PITPNM2: variants seen among roughly 807,000 people sequenced by gnomAD.
The protein encoded by PITPNM2 is phosphatidylinositol transfer protein membrane associated 2, also known as membrane-associated phosphatidylinositol transfer protein 2.
Under a neutral mutation model 132.2 loss-of-function variants are expected in PITPNM2, and 35 were observed. The observed-to-expected ratio is 0.26, with a 90% CI of 0.20 to 0.35. The LOEUF (loss-of-function observed/expected upper bound fraction) is 0.35, where lower values mean the gene tolerates loss of function less well. Among genes scored for constraint, PITPNM2 ranks in the 10% least tolerant of loss-of-function variants. The pLI is 1.00. For missense variants in PITPNM2, 1,332 were observed against 1,912.0 expected, an observed-to-expected ratio of 0.70 and a Z score of 5.66; for synonymous variants, 738 against 799.2, an observed-to-expected ratio of 0.92 and a Z score of 1.29.
chr12:123,049,379 C>T (rs909555951), intron 2 of PITPNM2, among the ~76,000 whole-genome samples: 1 of 152,192 alleles, frequency 6.6e-6, no homozygotes, highest in African/African-American at 2.4e-5. Flanking sequence ...CTTCCAGCTT[C>T]CAGGTCTGTG....
In PITPNM2 at chr12:123,013,900, C is replaced by T. The variant is rs758147346; in HGVS notation, c.221G>A (p.Arg74His). ...HVGMHIPSWFRSILPKAALRV... is the reference protein window; with the variant it reads ...HVGMHIPSWFHSILPKAALRV... The stretch of plus-strand genomic sequence containing the variant: ...CAGGGCTGCCTTGGGCAGGATGGAG[C>T]GGAACCAGCTGGGAATGTGCATGCC... Residue 74 changes from arginine to histidine, a missense_variant, in exon 4 of 26, where the codon CGC (arginine) becomes CAC (histidine). By Grantham distance (29) the Arg-to-His change is conservative. Transcript: ENST00000320201. 1.9e-6 allele frequency: 3 copies of T among 1,614,152 alleles called. No individual in the cohort carries two copies. The highest frequency in any genetic ancestry group is 1.1e-5 in the South Asian group (1 of 91,092).
chr12:123,111,442 C>T lies in PITPNM2; in HGVS notation c.-199-954G>A, dbSNP rs777224374. Among the ~76,000 whole-genome samples the T allele has an allele frequency of 1.3e-5, 2 of 152,230 alleles. No homozygotes were observed. The highest frequency in any genetic ancestry group is 2.9e-5 in the Non-Finnish European group (2 of 68,032). ...GGTCTCCTCAGACACCAGTCCATGC[C>T]CGCTAGGGGCAAGCACAGCCCTAAC... On this transcript the variant is annotated intron_variant, in intron 1 of 25. Coordinates refer to ENST00000320201, the MANE Select transcript of PITPNM2 (RefSeq NM_020845.3). This position sits in a 1 kb window ranked among gnomAD's most constrained non-coding sequence, Gnocchi z 4.1.
At position 122,992,022 on chromosome 12, in the gene PITPNM2, A is replaced by G; in HGVS notation, c.2404+477T>C. 1 of 935,588 alleles carries G rather than the reference A, an allele frequency of 1.1e-6. No homozygotes were observed. Among genetic ancestry groups the G allele is most frequent in the Non-Finnish European group, 1.4e-6 (1 of 711,678 alleles). 58.0% of individuals were successfully genotyped at this position (935,588 alleles called of 1,614,324 possible). A position where few individuals can be genotyped will look rare whatever the true frequency, so the allele number is the denominator to read the frequency against. On this transcript the variant is annotated intron_variant, in intron 16 of 25. Coordinates refer to ENST00000320201, the MANE Select transcript of PITPNM2 (RefSeq NM_020845.3). The surrounding 1 kb of genome is among the most constrained non-coding windows in gnomAD (Gnocchi z 6.5). ...AGGACGTGACAAGACGCTGGGACAC[A>G]CGCTGGGGCAGGGGTCGGGCCAAGC...
At chr12:123,057,417 A>G (rs998055190) in intron 2 of PITPNM2, among the ~76,000 whole-genome samples, 28 of 152,020 alleles carry the variant, frequency 1.8e-4, no homozygotes, top group African/African-American at 6.5e-4. Context: ...TCAAAAACAA[A>G]CAAAAAGAAC....
chr12:123,053,148 G>T (rs1033445474), intron 2 of PITPNM2, among the ~76,000 whole-genome samples: 3 of 152,090 alleles, frequency 2.0e-5, no homozygotes, highest in Non-Finnish European at 1.5e-5. Context: ...GCCTCCCAAA[G>T]TGCTGGGATT....
chr12:123,048,568 G>A (rs943893262), intron 2 of PITPNM2, among the ~76,000 whole-genome samples: 24 of 151,886 alleles, frequency 1.6e-4, no homozygotes, highest in Non-Finnish European at 3.1e-4. Flanking sequence ...GCCCGCCACC[G>A]CGCCCGGCTA....
At position 123,031,720 on chromosome 12, in the gene PITPNM2, C is replaced by A. The variant is rs1162439838; in HGVS notation, c.78+2793G>T. ...AGCAGGAACACCAACAGCCTTGCCC[C>A]CAATCTCCCCTCCAAGCATGCTAGT... is the stretch of plus-strand genomic sequence containing the variant. On this transcript the variant is annotated intron_variant, in intron 3 of 25. Coordinates refer to ENST00000320201, the MANE Select transcript of PITPNM2 (RefSeq NM_020845.3). This position sits in a 1 kb window ranked among gnomAD's most constrained non-coding sequence, Gnocchi z 4.5. Among the ~76,000 whole-genome samples the A allele has an allele frequency of 2.6e-5, 4 of 152,208 alleles. No individual in the cohort carries two copies. The highest frequency in any genetic ancestry group is 2.0e-4 in the Admixed American group (3 of 15,284).
chr12:123,139,627 C>G (rs541592107), intron 1 of PITPNM2, among the ~76,000 whole-genome samples: 2 of 152,204 alleles, frequency 1.3e-5, no homozygotes, highest in Non-Finnish European at 2.9e-5. Context: ...CTCCCACACA[C>G]CACATCTGCT....
chr12:122,987,278 C>T lies in PITPNM2; in HGVS notation c.3413+3G>A, dbSNP rs762333621. On this transcript the variant is annotated splice_donor_region_variant and intron_variant, in intron 23 of 25. Transcript: ENST00000320201. ...CCCCTTTGTGCCCCTCTGGGCCACTCACCGCACCACGTCCACGGCCCCGGC... is the reference window on the plus strand; with the variant it reads ...CCCCTTTGTGCCCCTCTGGGCCACTTACCGCACCACGTCCACGGCCCCGGC... The T allele has an allele frequency of 1.2e-6, 2 of 1,611,378 alleles. No individual in the cohort carries two copies. The highest frequency in any genetic ancestry group is 3.3e-5 in the Admixed American group (2 of 60,018).
intron 2 of PITPNM2, among the ~76,000 whole-genome samples, chr12:123,044,751 A>G (rs2040598017): frequency 6.6e-6 from 1 of 152,010 alleles, no homozygotes; most frequent in African/African-American, 2.4e-5. Context: ...CTGATTTTAT[A>G]CCTTCTCTCC....
At chr12:123,037,972 C>A (rs146416160) in intron 2 of PITPNM2, among the ~76,000 whole-genome samples, 1 of 152,088 alleles carries the variant, frequency 6.6e-6, no homozygotes, top group East Asian at 1.9e-4. Flanking sequence ...GATATTTTTG[C>A]GTGCAGGCAG....
In PITPNM2 at chr12:123,104,494, G is replaced by A. The variant is rs558669201; in HGVS notation, c.-96+5891C>T. On this transcript the variant is annotated intron_variant, in intron 2 of 25. Coordinates refer to ENST00000320201, the MANE Select transcript of PITPNM2 (RefSeq NM_020845.3). Reference sequence around the variant, plus strand: ...TAACTGATGACATTCCACCACAAAAGAAGTGAAAATGGCCGGTCCTTGCCT... The same window carrying A: ...TAACTGATGACATTCCACCACAAAAAAAGTGAAAATGGCCGGTCCTTGCCT... Among the ~76,000 whole-genome samples, 18 of 152,302 alleles carry A rather than the reference G, an allele frequency of 1.2e-4. No individual in the cohort carries two copies. The South Asian group carries it at 2.9e-3, about 25-fold the overall frequency.
chr12:123,057,530 G>A (rs960998478), intron 2 of PITPNM2, among the ~76,000 whole-genome samples: 1 of 152,160 alleles, frequency 6.6e-6, no homozygotes, highest in African/African-American at 2.4e-5. Flanking sequence ...ACAAAGTGCC[G>A]TAGACAAGAC....
intron 2 of PITPNM2, among the ~76,000 whole-genome samples, chr12:123,094,396 C>G (rs1324421111): frequency 6.6e-6 from 1 of 152,240 alleles, no homozygotes; most frequent in East Asian, 1.9e-4. Context: ...CATGTCTTCA[C>G]CCAGCAGGCT....
At chr12:123,001,224 G>GTAC (rs1329413201) in intron 8 of PITPNM2, 66 bp from the exon 9 acceptor site, 1 of 1,289,164 alleles carries the variant, frequency 7.8e-7, no homozygotes, top group African/African-American at 1.5e-5. Context: ...TTCCCGAGGT[G>GTAC]GGGACGCCCC....
chr12:122,986,201 G>C lies in PITPNM2; in HGVS notation c.3876C>G (p.His1292Gln). 6.4e-7 allele frequency: 1 copy of C among 1,557,838 alleles called. No homozygotes were observed. The highest frequency in any genetic ancestry group is 8.7e-7 in the Non-Finnish European group (1 of 1,156,036). Reference protein sequence around the residue: ...GQGDFLRSRNHLLRTISAQPS... With the variant: ...GQGDFLRSRNQLLRTISAQPS... Reference sequence around the variant, plus strand: ...GCTGGGCCGAGATGGTGCGAAGCAGGTGGTTCCGGGAGCGCAGAAAGTCGC... The same window carrying C: ...GCTGGGCCGAGATGGTGCGAAGCAGCTGGTTCCGGGAGCGCAGAAAGTCGC... The change falls in exon 26 of 26, where the codon CAC becomes CAG. Residue 1292 changes from histidine (H) to glutamine (Q), a missense_variant. Physicochemically the swap from His to Gln is conservative, Grantham distance 24. Transcript: ENST00000320201.
chr12:123,062,772 G>T (rs553117406), intron 2 of PITPNM2, among the ~76,000 whole-genome samples: 57 of 152,308 alleles, frequency 3.7e-4, no homozygotes, highest in Admixed American at 2.0e-4. Context: ...AAAGTGTCTG[G>T]TTTTCAGTGT....
At chr12:123,087,708 T>A (rs2042153237) in intron 2 of PITPNM2, 1 of 151,880 alleles carries the variant, frequency 6.6e-6, no homozygotes, top group Admixed American at 6.6e-5. Flanking sequence ...AGCCTCAAAC[T>A]CCTGGGCTCA....
intron 2 of PITPNM2, among the ~76,000 whole-genome samples, chr12:123,066,518 G>C (rs1461948464): frequency 1.3e-5 from 2 of 152,190 alleles, no homozygotes; most frequent in Admixed American, 1.3e-4. Flanking sequence ...GCTGTTGGGG[G>C]TGGGGGCATG....
Sources: allele counts gnomAD v4.1 joint callset (sites outside exome capture counted in the v4.1 genomes callset), GRCh38; gene constraint gnomAD v4.1.1; non-coding constraint Gnocchi (gnomAD v3.1); transcripts MANE v1.5; gene names NCBI Gene and HGNC (gene_info 2026-07-23, HGNC 2026-07-21).